Variants in ALDH1L1 observed in about 807,000 individuals in gnomAD.
ALDH1L1 encodes the protein cytosolic 10-formyltetrahydrofolate dehydrogenase.
ALDH1L1 carries 68 observed loss-of-function variants against 101.1 expected under a neutral mutation model. The ratio of observed to expected loss-of-function variants is 0.67; its 90% confidence interval spans 0.55 to 0.82. The LOEUF is 0.82. ALDH1L1 is among the 40% of genes least tolerant of loss of function. The pLI is 0.00. For missense variants in ALDH1L1, 1,087 were observed against 1,172.7 expected (o/e 0.93, Z 1.07); for synonymous variants, 486 against 470.8 (o/e 1.03, Z -0.42).
intron 9 of ALDH1L1, 56 bp downstream of exon 9, chr3:126,146,779 G>T: frequency 6.3e-7 from 1 of 1,577,482 alleles, no homozygotes; most frequent in Non-Finnish European, 8.7e-7. Flanking sequence ...GTTTTGCAGA[G>T]ATTTGTGACA....
At chr3:126,136,645 A>C in intron 11 of ALDH1L1, 119 bp downstream of exon 11, 1 of 1,450,178 alleles carries the variant, frequency 6.9e-7, no homozygotes, top group Non-Finnish European at 9.2e-7. Context: ...CGTCCCTCTC[A>C]AAGGCACATG....
At chr3:126,146,523 T>C (rs929866422) in intron 9 of ALDH1L1, among the ~76,000 whole-genome samples, 14 of 152,192 alleles carry the variant, frequency 9.2e-5, no homozygotes, top group Non-Finnish European at 1.9e-4. Context: ...GTTGGCACAA[T>C]ACATAACCCT....
intron 9 of ALDH1L1, among the ~76,000 whole-genome samples, chr3:126,140,832 A>T (rs915184488): frequency 6.6e-6 from 1 of 152,014 alleles, no homozygotes; most frequent in Non-Finnish European, 1.5e-5. Flanking sequence ...ACTACAAAAA[A>T]AATTACCAAA....
At chr3:126,127,131 G>C (rs1317385859) in intron 14 of ALDH1L1, among the ~76,000 whole-genome samples, 1 of 152,188 alleles carries the variant, frequency 6.6e-6, no homozygotes, top group Non-Finnish European at 1.5e-5. Context: ...GCCCTGGATT[G>C]GTGGTCTCTT....
At chr3:126,153,726 C>A (rs1385384299) in intron 6 of ALDH1L1, 145 bp from the exon 7 acceptor site, 10 of 1,060,286 alleles carry the variant, frequency 9.4e-6, no homozygotes, top group Admixed American at 2.9e-5. Context: ...CCATGTGACC[C>A]CTGAGGCCCT....
rs770401461 is a variant in ALDH1L1, at chr3:126,158,423, C to T, written c.344G>A (p.Gly115Glu). 14 of 1,603,198 alleles carry T rather than the reference C, an allele frequency of 8.7e-6. No homozygotes were observed. The highest frequency in any genetic ancestry group is 1.2e-5 in the Non-Finnish European group (14 of 1,172,994). Residue 115 changes from glycine (G) to glutamate (E), a missense_variant, in exon 3 of 23, where the codon GGG becomes GAG. This residue lies in a region of ALDH1L1 where 645 missense variants were observed against 637.0 expected (regional missense o/e 1.01). Coordinates refer to ENST00000393434, the MANE Select transcript of ALDH1L1 (RefSeq NM_012190.4). ...YHPSLLPRHR[G>E]ASAINWTLIH... ...ATCTCACCAGTTGATGGCCGAGGCC[C>T]CTCGGTGCCTAGGGAGCAGTGACGG...
chr3:126,157,507 TC>T lies in ALDH1L1; in HGVS notation c.363del (p.Trp121Ter). 6.2e-7 allele frequency: 1 copy of T among 1,613,116 alleles called. No homozygotes were observed. Among genetic ancestry groups the T allele is most frequent in the Non-Finnish European group, 8.5e-7 (1 of 1,179,622 alleles). The part of the protein sequence containing the change: ...PRHRGASAIN[W>X]TLIHGDKKGG... ...CCTTTCTTATCTCCGTGAATGAGGGTCCTAGGAAGCAGAAGAGTGAAACCTG... is the reference window on the plus strand; with the variant it reads ...CCTTTCTTATCTCCGTGAATGAGGGTCTAGGAAGCAGAAGAGTGAAACCTG... On this transcript the variant is annotated frameshift_variant and splice_region_variant, in exon 4 of 23. Transcript: ENST00000393434. LOFTEE classifies it high-confidence loss of function.
At chr3:126,194,038 G>A (rs2081567861) in intron 1 of ALDH1L1, among the ~76,000 whole-genome samples, 1 of 152,134 alleles carries the variant, frequency 6.6e-6, no homozygotes, top group Admixed American at 6.5e-5. Flanking sequence ...GATTTTACGT[G>A]CTTGTGAAGT....
At chr3:126,185,090 C>T (rs561297539), upstream of ALDH1L1, among the ~76,000 whole-genome samples, 19 of 152,210 alleles carry the variant, frequency 1.2e-4, no homozygotes, top group African/African-American at 4.6e-4. Flanking sequence ...CATGTAGAGG[C>T]GAAGGTAGGG....
chr3:126,184,144 A>C (rs2081498121), upstream of ALDH1L1, among the ~76,000 whole-genome samples: 1 of 152,180 alleles, frequency 6.6e-6, no homozygotes, highest in African/African-American at 2.4e-5. Context: ...CTGAGGCTTG[A>C]GGTCAGACAG....
At chr3:126,168,183 A>T (rs2081204687) in intron 1 of ALDH1L1, among the ~76,000 whole-genome samples, 1 of 152,066 alleles carries the variant, frequency 6.6e-6, no homozygotes. Flanking sequence ...TGCAAATAAA[A>T]CTCTTGTGTG....
upstream of ALDH1L1, among the ~76,000 whole-genome samples, chr3:126,186,464 G>A (rs974167751): frequency 2.0e-5 from 3 of 152,188 alleles, no homozygotes; most frequent in South Asian, 2.1e-4. Context: ...CCAGGGCCAG[G>A]GACAGCAGGG....
chr3:126,123,143 G>A (rs1161746869), intron 16 of ALDH1L1, among the ~76,000 whole-genome samples: 4 of 152,066 alleles, frequency 2.6e-5, no homozygotes, highest in Admixed American at 1.3e-4. Flanking sequence ...AGCCAGTGTA[G>A]TAATACTAAG....
At chr3:126,177,591 T>A (rs1157130485) in intron 1 of ALDH1L1, among the ~76,000 whole-genome samples, 1 of 152,054 alleles carries the variant, frequency 6.6e-6, no homozygotes, top group Non-Finnish European at 1.5e-5. Flanking sequence ...CAGGAGAGTT[T>A]TAGGGCAGTG....
chr3:126,118,460 A>G (rs924715794), intron 16 of ALDH1L1, among the ~76,000 whole-genome samples: 2 of 152,124 alleles, frequency 1.3e-5, no homozygotes, highest in Admixed American at 6.5e-5. Context: ...ATGCGAGGAC[A>G]TAGAGGGTGG....
chr3:126,114,685 G>A lies in ALDH1L1; in HGVS notation c.1983-29C>T, dbSNP rs375916034. On this transcript the variant is annotated intron_variant, in intron 17 of 22. Transcript: ENST00000393434. Reference sequence around the variant, plus strand: ...CAAGGAACAGAGGGCTGGTGGGGCCGGTCCCTCCAGGGCAGGTAGGGGCAT... The same window carrying A: ...CAAGGAACAGAGGGCTGGTGGGGCCAGTCCCTCCAGGGCAGGTAGGGGCAT... 150 of 1,547,450 alleles carry A rather than the reference G, an allele frequency of 9.7e-5. 1 individual carries two copies. Among genetic ancestry groups the A allele is most frequent in the Non-Finnish European group, 6.4e-5 (73 of 1,142,544 alleles).
In ALDH1L1 at chr3:126,180,458, G is replaced by T; in HGVS notation, c.-24+18C>A. The T allele has an allele frequency of 1.0e-6, 1 of 989,684 alleles. No individual in the cohort carries two copies. The highest frequency in any genetic ancestry group is 1.2e-6 in the Non-Finnish European group (1 of 832,548). The allele number at this position is 989,684 out of a possible 1,614,324, so 61.3% of individuals were successfully genotyped here. ...TTTCCGCCGGGAGTCCAGCGCTCTC[G>T]AGAGCCCAGAAACTCACCGCGCGCA... On this transcript the variant is annotated intron_variant, in intron 1 of 22. Coordinates refer to ENST00000393434, the MANE Select transcript of ALDH1L1 (RefSeq NM_012190.4).
chr3:126,127,496 T>A (rs1002144027), intron 14 of ALDH1L1, among the ~76,000 whole-genome samples: 1 of 151,850 alleles, frequency 6.6e-6, no homozygotes, highest in Non-Finnish European at 1.5e-5. Flanking sequence ...ACGGTGAGGG[T>A]GGAGTTCCTT....
chr3:126,183,915 A>C (rs1410212105), upstream of ALDH1L1, among the ~76,000 whole-genome samples: 1 of 152,090 alleles, frequency 6.6e-6, no homozygotes, highest in Non-Finnish European at 1.5e-5. Context: ...TTGGAGGGCG[A>C]ATGTATTTTG....
Sources: allele counts gnomAD v4.1 joint callset (sites outside exome capture counted in the v4.1 genomes callset), GRCh38; gene constraint gnomAD v4.1.1; regional missense constraint gnomAD v4.1.1; transcripts MANE v1.5; gene names NCBI Gene and HGNC (gene_info 2026-07-23, HGNC 2026-07-21).